SP3: variants seen among roughly 807,000 people sequenced by gnomAD.
SP3 encodes the protein transcription factor Sp3.
Under a neutral mutation model 70.3 loss-of-function variants are expected in SP3, and 10 were observed. The ratio of observed to expected loss-of-function variants is 0.14; its 90% CI spans 0.09 to 0.24. The LOEUF (loss-of-function observed/expected upper bound fraction) is 0.24, where lower values mean the gene tolerates loss of function less well. SP3 is among the 10% of genes least tolerant of loss of function. SP3 has a pLI of 1.00. For synonymous variants in SP3, 402 were observed against 333.5 expected, an observed-to-expected ratio of 1.21 and a Z score of -2.24; for missense variants, 825 against 914.6, an observed-to-expected ratio of 0.90 and a Z score of 1.26.
intron 5 of SP3, among the ~76,000 whole-genome samples, chr2:173,917,979 G>C (rs1244180035): frequency 3.4e-5 from 5 of 148,936 alleles, no homozygotes; most frequent in South Asian, 2.1e-4. Context: ...ATTAACATCA[G>C]TCTGGATCTT....
At chr2:173,964,302 G>A (rs1314841415) in intron 2 of SP3, 103 bp downstream of exon 2, 6 of 571,884 alleles carry the variant, frequency 1.0e-5, no homozygotes, top group African/African-American at 2.0e-5. Flanking sequence ...GAGGGGAGGG[G>A]AGAGACGAGG....
chr2:173,917,385 C>T (rs1004503987), intron 5 of SP3, among the ~76,000 whole-genome samples: 1 of 151,974 alleles, frequency 6.6e-6, no homozygotes, highest in African/African-American at 2.4e-5. Context: ...ACTTGGGAGG[C>T]AGTATAGTTT....
chr2:173,911,867 G>A (rs1241844988), intron 6 of SP3, among the ~76,000 whole-genome samples: 1 of 130,752 alleles, frequency 7.6e-6, no homozygotes, highest in African/African-American at 3.0e-5. Flanking sequence ...CACCCAGGCT[G>A]CAGTACAGTG....
At chr2:173,963,042 T>C (rs573990685) in intron 3 of SP3, 51 of 152,358 alleles carry the variant, frequency 3.3e-4, no homozygotes, top group African/African-American at 1.0e-3. Flanking sequence ...ATTGTACTAC[T>C]AGTATGCACG....
rs1262222262 is a variant in SP3, at chr2:173,901,674, A to AACAG, written c.*8263_*8266dup. On this transcript the variant is annotated 3_prime_UTR_variant, in exon 7 of 7. Coordinates refer to ENST00000310015, the MANE Select transcript of SP3 (RefSeq NM_003111.5). Reference sequence around the variant, plus strand: ...CGTTGGATAAAATGAACAGCAGGGAAACAGTTAGTTGGACTTAAGCCTTTT... The same window carrying AACAG: ...CGTTGGATAAAATGAACAGCAGGGAAACAGACAGTTAGTTGGACTTAAGCCTTTT... Among the ~76,000 whole-genome samples the AACAG allele has an allele frequency of 5.3e-5, 8 of 151,270 alleles. No homozygotes were observed. Among genetic ancestry groups the AACAG allele is most frequent in the Non-Finnish European group, 8.8e-5 (6 of 67,888 alleles).
At chr2:173,964,614 G>GGC in intron 1 of SP3, 61 bp from the exon 2 acceptor site, 1 of 636,822 alleles carries the variant, frequency 1.6e-6, no homozygotes, top group South Asian at 1.6e-5. Flanking sequence ...AGAGGGAGGG[G>GGC]GCCCGCGGGC....
chr2:173,906,369 C>T lies in SP3; in HGVS notation c.*3572G>A, dbSNP rs1689321201. On this transcript the variant is annotated 3_prime_UTR_variant, in exon 7 of 7. Coordinates refer to ENST00000310015, the MANE Select transcript of SP3 (RefSeq NM_003111.5). Reference sequence around the variant, plus strand: ...TAAATAAAATTATGAGGTGATTTCACAAAAATATCAAATTTGTACCAAAGA... The same window carrying T: ...TAAATAAAATTATGAGGTGATTTCATAAAAATATCAAATTTGTACCAAAGA... The T allele has an allele frequency of 6.6e-6, 1 of 152,118 alleles. No homozygotes were observed. Among genetic ancestry groups the T allele is most frequent in the South Asian group, 2.1e-4 (1 of 4,828 alleles). The allele number at this position is 152,118 out of a possible 1,614,324, so 9.4% of individuals were successfully genotyped here.
Position 173,933,638 on chromosome 2 carries a change from TTATATA to T in SP3, c.1640-14859_1640-14854del, listed in dbSNP as rs60102426. 6.2e-3 allele frequency among the ~76,000 whole-genome samples: 536 copies of T among 86,548 alleles called. 8 individuals carry two copies. Among genetic ancestry groups the T allele is most frequent in the East Asian group, 0.015 (46 of 3,104 alleles). 56.8% of individuals were successfully genotyped at this position (86,548 alleles called of 152,430 possible). A position where few individuals can be genotyped will look rare whatever the true frequency, so the allele number is the denominator to read the frequency against. On this transcript the variant is annotated intron_variant, in intron 4 of 6. Transcript: ENST00000310015. Reference sequence around the variant, plus strand: ...ACAAATGACTAACATTTATAAAACTTTATATATATATATATATATATATATATATAT... The same window carrying T: ...ACAAATGACTAACATTTATAAAACTTTATATATATATATATATATATATAT...
chr2:173,931,594 G>A (rs909052331), intron 4 of SP3, among the ~76,000 whole-genome samples: 13 of 152,096 alleles, frequency 8.5e-5, no homozygotes, highest in Non-Finnish European at 1.2e-4. Flanking sequence ...CTCCCACCTC[G>A]GCCTCCCAAA....
chr2:173,940,719 T>G (rs1344511198), intron 4 of SP3, among the ~76,000 whole-genome samples: 1 of 152,220 alleles, frequency 6.6e-6, no homozygotes, highest in Non-Finnish European at 1.5e-5. Flanking sequence ...GCTGCAATTC[T>G]ACATCTCACA....
At chr2:173,936,842 A>T (rs151090579) in intron 4 of SP3, among the ~76,000 whole-genome samples, 42 of 150,212 alleles carry the variant, frequency 2.8e-4, no homozygotes, top group African/African-American at 1.0e-3. Context: ...TCTTCCTCTC[A>T]TCTCTCTACC....
At chr2:173,926,918 T>G (rs1316735644) in intron 4 of SP3, among the ~76,000 whole-genome samples, 1 of 152,162 alleles carries the variant, frequency 6.6e-6, no homozygotes, top group African/African-American at 2.4e-5. Flanking sequence ...AAGTAATTTA[T>G]TTTTTTAAAA....
intron 4 of SP3, among the ~76,000 whole-genome samples, chr2:173,953,326 AAGGACCTCTGAGAGGGTCTC>A (rs1329555668): frequency 1.3e-5 from 2 of 152,244 alleles, no homozygotes; most frequent in African/African-American, 2.4e-5. Context: ...GCTTGATGTG[AAGGACCTCTGAGAGGGTCTC>A]AGGGATATCC....
At chr2:173,910,567 T>C (rs1172483942) in intron 6 of SP3, among the ~76,000 whole-genome samples, 1 of 152,232 alleles carries the variant, frequency 6.6e-6, no homozygotes, top group Non-Finnish European at 1.5e-5. Context: ...TGTGTTAAGA[T>C]GCCAGCTAAA....
rs1221105185 is a variant in SP3 at position 173,902,459 on chromosome 2, A to G, written c.*7482T>C. Among the ~76,000 whole-genome samples the G allele has an allele frequency of 1.3e-5, 2 of 152,270 alleles. No individual in the cohort carries two copies. Among genetic ancestry groups the G allele is most frequent in the Admixed American group, 6.5e-5 (1 of 15,282 alleles). On this transcript the variant is annotated 3_prime_UTR_variant, in exon 7 of 7. Transcript: ENST00000310015. Reference sequence around the variant, plus strand: ...GAAGATTAAGAATATCCTGTTGGCCAGTGATTCAAGTTCTAGATACATATC... The same window carrying G: ...GAAGATTAAGAATATCCTGTTGGCCGGTGATTCAAGTTCTAGATACATATC...
At chr2:173,939,479 T>A (rs940227897) in intron 4 of SP3, among the ~76,000 whole-genome samples, 5 of 152,072 alleles carry the variant, frequency 3.3e-5, no homozygotes, top group Non-Finnish European at 7.4e-5. Flanking sequence ...TTTTGTGACA[T>A]CTGGCCAGGC....
intron 4 of SP3, among the ~76,000 whole-genome samples, chr2:173,946,263 G>GC (rs1429485850): frequency 6.6e-6 from 1 of 151,930 alleles, no homozygotes; most frequent in African/African-American, 2.4e-5. Context: ...ATTATATATT[G>GC]TTTTTGTGTA....
chr2:173,905,732 C>T lies in SP3; in HGVS notation c.*4209G>A, dbSNP rs1466413031. ...CTCCAGATTTGGCCAAGCGTGGTGGCTCACGCCTATAATCCCAACACTTTG... is the reference window on the plus strand; with the variant it reads ...CTCCAGATTTGGCCAAGCGTGGTGGTTCACGCCTATAATCCCAACACTTTG... On this transcript the variant is annotated 3_prime_UTR_variant, in exon 7 of 7. Coordinates refer to ENST00000310015, the MANE Select transcript of SP3 (RefSeq NM_003111.5). 6.6e-6 allele frequency among the ~76,000 whole-genome samples: 1 copy of T among 151,746 alleles called. No individual in the cohort carries two copies. The highest frequency in any genetic ancestry group is 1.5e-5 in the Non-Finnish European group (1 of 67,988).
chr2:173,927,856 C>T (rs936460147), intron 4 of SP3, among the ~76,000 whole-genome samples: 7 of 152,192 alleles, frequency 4.6e-5, no homozygotes, highest in Non-Finnish European at 1.0e-4. Context: ...ATCAATTACA[C>T]ATTTACCTAC....
Sources: gnomAD v4.1 joint callset for allele counts (sites outside exome capture counted in the v4.1 genomes callset) on GRCh38, gnomAD v4.1.1 for gene constraint, MANE v1.5 for transcripts, NCBI Gene and HGNC (gene_info 2026-07-23, HGNC 2026-07-21) for gene names.